The following INSL6 variants were observed in gnomAD, a reference collection of about 807,000 sequenced individuals.
INSL6 encodes the protein insulin-like peptide INSL6.
A neutral mutation model predicts 9.4 loss-of-function variants in INSL6; 16 were observed. The observed-to-expected ratio is 1.70, with a 90% CI of 1.15 to 2.59. The LOEUF is 2.59. Ranked by LOEUF, INSL6 falls within the 30% of genes most tolerant of loss-of-function variation. The pLI, the probability that INSL6 is intolerant of heterozygous loss-of-function variation, is 0.00. For synonymous variants in INSL6, 154 were observed against 96.9 expected, an observed-to-expected ratio of 1.59 and a Z score of -3.46; for missense variants, 391 against 257.3, an observed-to-expected ratio of 1.52 and a Z score of -3.56.
the INSL6 span, chr9:5,114,785 G>T: frequency 6.4e-6 from 2 of 314,820 alleles, no homozygotes; most frequent in Non-Finnish European, 6.2e-6. Context: ...TCAAGTAACT[G>T]TTGTCTGTAA....
chr9:4,997,860 G>A, the INSL6 span, among the ~76,000 whole-genome samples: 4 of 151,932 alleles, frequency 2.6e-5, no homozygotes, highest in African/African-American at 9.7e-5. Flanking sequence ...CTGCAGAATT[G>A]TTTCATTTCC....
At chr9:5,019,584 A>G in the INSL6 span, among the ~76,000 whole-genome samples, 1 of 152,108 alleles carries the variant, frequency 6.6e-6, no homozygotes, top group South Asian at 2.1e-4. Context: ...GATCCTTTGG[A>G]GATGTCATAT....
At position 5,166,382 on chromosome 9, in the gene INSL6, C is replaced by T. The variant is rs1334806097; in HGVS notation, c.290-2117G>A. On this transcript the variant is annotated intron_variant, in intron 1 of 1. Coordinates refer to ENST00000381641, the MANE Select transcript of INSL6 (RefSeq NM_007179.3). ...GCAGTTAGAGGCCTATTAGAGCACTCTTTAATAACTTTTTATTTAATTAAA... is the reference window on the plus strand; with the variant it reads ...GCAGTTAGAGGCCTATTAGAGCACTTTTTAATAACTTTTTATTTAATTAAA... Among the ~76,000 whole-genome samples, 3 of 151,804 alleles carry T rather than the reference C, an allele frequency of 2.0e-5. No individual in the cohort carries two copies. In the East Asian group the frequency reaches 5.8e-4, roughly 29 times the overall value.
chr9:5,180,371 T>A (rs1211833808), intron 1 of INSL6, among the ~76,000 whole-genome samples: 2 of 152,190 alleles, frequency 1.3e-5, no homozygotes, highest in African/African-American at 2.4e-5. Flanking sequence ...AAGACAACTG[T>A]AAGGTCTGAC....
At chr9:5,166,582 C>T (rs1030187092) in intron 1 of INSL6, among the ~76,000 whole-genome samples, 1 of 151,862 alleles carries the variant, frequency 6.6e-6, no homozygotes, top group Non-Finnish European at 1.5e-5. Context: ...GGATGAATTC[C>T]TAGAAAAATA....
chr9:5,137,837 CATCT>C (rs1221767523), intron 2 of INSL6, among the ~76,000 whole-genome samples: 1 of 152,068 alleles, frequency 6.6e-6, no homozygotes, highest in Admixed American at 6.5e-5. Context: ...GCAATCTACC[CATCT>C]GACAAAGGGC....
At chr9:5,048,003 T>A in the INSL6 span, among the ~76,000 whole-genome samples, 1 of 152,224 alleles carries the variant, frequency 6.6e-6, no homozygotes, top group South Asian at 2.1e-4. Flanking sequence ...GACTCTTCCA[T>A]TTGTAACTTT....
At chr9:5,150,909 G>A (rs563459779) in intron 2 of INSL6, among the ~76,000 whole-genome samples, 4 of 150,594 alleles carry the variant, frequency 2.7e-5, no homozygotes, top group Non-Finnish European at 5.9e-5. Flanking sequence ...GCCATAAAAA[G>A]AATAAAATGT....
At chr9:5,101,952 G>A in the INSL6 span, among the ~76,000 whole-genome samples, 1 of 152,220 alleles carries the variant, frequency 6.6e-6, no homozygotes, top group Non-Finnish European at 1.5e-5. Flanking sequence ...GGAGAAACCA[G>A]AGCAGAAAAG....
the INSL6 span, among the ~76,000 whole-genome samples, chr9:5,090,109 T>C: frequency 6.6e-6 from 1 of 152,242 alleles, no homozygotes; most frequent in African/African-American, 2.4e-5. Flanking sequence ...TTTAAAGGAA[T>C]TGTTTTTGTT....
At chr9:5,085,106 G>A in the INSL6 span, 6 of 656,188 alleles carry the variant, frequency 9.1e-6, no homozygotes, top group East Asian at 1.4e-4. Flanking sequence ...TGCTGGGCAA[G>A]GTAGGTTGTT....
chr9:5,053,417 C>T, the INSL6 span, among the ~76,000 whole-genome samples: 3 of 152,014 alleles, frequency 2.0e-5, no homozygotes, highest in Non-Finnish European at 2.9e-5. Context: ...ATTATTTCCT[C>T]CCATTCTGTG....
chr9:5,077,174 G>GT, the INSL6 span, among the ~76,000 whole-genome samples: 1,352 of 150,816 alleles, frequency 9.0e-3, 18 homozygotes, highest in African/African-American at 0.03. Flanking sequence ...CCATAATTCA[G>GT]TACTAATATA....
chr9:5,102,062 C>T, the INSL6 span, among the ~76,000 whole-genome samples: 5 of 152,158 alleles, frequency 3.3e-5, no homozygotes, highest in Admixed American at 2.6e-4. Context: ...CAGAAGTAGG[C>T]TTCAGAAGGT....
At chr9:5,050,578 A>G in the INSL6 span, 1 of 1,172,122 alleles carries the variant, frequency 8.5e-7, no homozygotes, top group Non-Finnish European at 1.2e-6. Context: ...GCCAATTTGT[A>G]TCTTGTAAAT....
At chr9:5,007,075 C>T in the INSL6 span, among the ~76,000 whole-genome samples, 1 of 151,886 alleles carries the variant, frequency 6.6e-6, no homozygotes, top group Non-Finnish European at 1.5e-5. Context: ...TTTAAAAAGC[C>T]AACGTTTTAC....
the INSL6 span, among the ~76,000 whole-genome samples, chr9:5,093,368 C>A: frequency 2.6e-5 from 4 of 152,178 alleles, no homozygotes; most frequent in Admixed American, 6.5e-5. Context: ...CATATCCTGA[C>A]CTTGCAAAGG....
At chr9:5,145,044 T>C (rs112296175) in intron 2 of INSL6, among the ~76,000 whole-genome samples, 220 of 152,344 alleles carry the variant, frequency 1.4e-3, no homozygotes, top group African/African-American at 5.1e-3. Context: ...GTTTATGTGA[T>C]TGCTTCATAG....
At chr9:5,114,585 A>G in the INSL6 span, 18 of 491,548 alleles carry the variant, frequency 3.7e-5, no homozygotes, top group Non-Finnish European at 5.6e-5. Flanking sequence ...GCCCAAGGAC[A>G]TCTTGGTGCA....
Sources: allele counts gnomAD v4.1 joint callset (sites outside exome capture counted in the v4.1 genomes callset), GRCh38; gene constraint gnomAD v4.1.1; transcripts MANE v1.5; gene names NCBI Gene and HGNC (gene_info 2026-07-23, HGNC 2026-07-21).